The following TTC29 variants were observed in gnomAD, a reference collection of about 807,000 sequenced individuals.
TTC29 encodes the protein tetratricopeptide repeat domain 29, also known as tetratricopeptide repeat protein 29.
Under a neutral mutation model 58.1 loss-of-function variants are expected in TTC29, and 49 were observed. The observed-to-expected ratio is 0.84, with a 90% CI of 0.67 to 1.07. TTC29 has a LOEUF of 1.07. TTC29 is among the 50% of genes least tolerant of loss of function. The pLI is 0.00. For missense variants in TTC29, 582 were observed against 555.6 expected (o/e 1.05, Z -0.48); for synonymous variants, 209 against 196.8 (o/e 1.06, Z -0.52).
chr4:146,754,443 AC>A (rs139261390), intron 11 of TTC29, among the ~76,000 whole-genome samples: 3,025 of 152,272 alleles, frequency 0.02, 46 homozygotes, highest in Non-Finnish European at 0.031. Context: ...TTCCTTTAAT[AC>A]CTAAGCCAAA....
intron 11 of TTC29, among the ~76,000 whole-genome samples, chr4:146,752,456 A>C (rs1025238090): frequency 4.0e-5 from 6 of 151,564 alleles, no homozygotes; most frequent in South Asian, 2.1e-4. Context: ...GAATCAATAT[A>C]GTGAAAATGG....
chr4:146,742,608 TTCCTTCCCTC>T (rs1180329734), intron 11 of TTC29, among the ~76,000 whole-genome samples: 4 of 147,690 alleles, frequency 2.7e-5, no homozygotes, highest in African/African-American at 1.0e-4. Flanking sequence ...CTTCCCTCCC[TTCCTTCCCTC>T]CCTTCCTTCC....
intron 10 of TTC29, among the ~76,000 whole-genome samples, chr4:146,807,680 C>T (rs1750711753): frequency 6.6e-6 from 1 of 152,280 alleles, no homozygotes; most frequent in East Asian, 1.9e-4. Context: ...CCTCCCAAGA[C>T]TATACCAGGA....
At chr4:146,712,359 T>C (rs1742563134) in intron 11 of TTC29, among the ~76,000 whole-genome samples, 1 of 152,158 alleles carries the variant, frequency 6.6e-6, no homozygotes, top group African/African-American at 2.4e-5. Flanking sequence ...ATTTTGACGC[T>C]ATCTCAGTTG....
intron 4 of TTC29, among the ~76,000 whole-genome samples, chr4:146,934,852 A>T (rs1735649316): frequency 6.6e-6 from 1 of 152,154 alleles, no homozygotes; most frequent in South Asian, 2.1e-4. Context: ...AGATGTGATA[A>T]AAATAGGGGT....
chr4:146,771,736 C>T (rs1747744473), intron 11 of TTC29, among the ~76,000 whole-genome samples: 1 of 152,096 alleles, frequency 6.6e-6, no homozygotes, highest in Admixed American at 6.6e-5. Flanking sequence ...ATGCATGTGT[C>T]TTTACGTAGA....
intron 6 of TTC29, among the ~76,000 whole-genome samples, chr4:146,898,825 G>A (rs1579939948): frequency 6.6e-6 from 1 of 152,208 alleles, no homozygotes; most frequent in African/African-American, 2.4e-5. Context: ...AGAAGGGAAA[G>A]GACTAAAATA....
chr4:146,746,792 GAGTGATGTCAGTGAA>G (rs1745583085), intron 11 of TTC29, among the ~76,000 whole-genome samples: 1 of 152,160 alleles, frequency 6.6e-6, no homozygotes, highest in Admixed American at 6.5e-5. Context: ...GGTTCTGGGA[GAGTGATGTCAGTGAA>G]AGTGATGTCA....
chr4:146,886,372 C>T (rs1210400679), intron 6 of TTC29, among the ~76,000 whole-genome samples: 1 of 152,088 alleles, frequency 6.6e-6, no homozygotes, highest in Admixed American at 6.6e-5. Flanking sequence ...TCTGTTTCTC[C>T]TCAACTTTGC....
chr4:146,875,975 T>C (rs1335643507), intron 6 of TTC29, among the ~76,000 whole-genome samples: 1 of 152,206 alleles, frequency 6.6e-6, no homozygotes, highest in Non-Finnish European at 1.5e-5. Flanking sequence ...TCTTTTATGG[T>C]ATTGGAGTTA....
chr4:146,846,055 CATT>C (rs1729149089), intron 8 of TTC29, among the ~76,000 whole-genome samples: 2 of 151,974 alleles, frequency 1.3e-5, no homozygotes, highest in South Asian at 4.1e-4. Flanking sequence ...CCTGTAGAAA[CATT>C]AACATGGCTA....
intron 11 of TTC29, among the ~76,000 whole-genome samples, chr4:146,759,013 G>GAAATAAAA (rs1451133288): frequency 6.6e-6 from 1 of 151,782 alleles, no homozygotes; most frequent in Admixed American, 6.6e-5. Flanking sequence ...AAATGAAATT[G>GAAATAAAA]AAATAAAAAA....
chr4:146,881,548 T>C (rs975807433), intron 6 of TTC29, among the ~76,000 whole-genome samples: 1 of 152,138 alleles, frequency 6.6e-6, no homozygotes, highest in African/African-American at 2.4e-5. Flanking sequence ...AGAAGCAATA[T>C]TGAACAGTAG....
At chr4:146,726,589 G>T (rs1186801055) in intron 11 of TTC29, among the ~76,000 whole-genome samples, 1 of 152,008 alleles carries the variant, frequency 6.6e-6, no homozygotes, top group Non-Finnish European at 1.5e-5. Flanking sequence ...TCTTGCTCAA[G>T]GTTTTGTGAT....
intron 9 of TTC29, among the ~76,000 whole-genome samples, chr4:146,822,137 G>A (rs1173620273): frequency 2.0e-5 from 3 of 151,314 alleles, no homozygotes; most frequent in Non-Finnish European, 2.9e-5. Context: ...AAAAAAAAAG[G>A]GATACATGTG....
intron 11 of TTC29, among the ~76,000 whole-genome samples, chr4:146,797,832 T>TTATATATATATATATATATATATA (rs70958528): frequency 3.8e-4 from 50 of 130,022 alleles, no homozygotes; most frequent in African/African-American, 7.8e-4. Context: ...TTACTTTGTT[T>TTATATATATATATATATATATATA]TATATATATA....
At chr4:146,914,702 A>G (rs2150292997) in intron 4 of TTC29, among the ~76,000 whole-genome samples, 1 of 152,296 alleles carries the variant, frequency 6.6e-6, no homozygotes, top group East Asian at 1.9e-4. Flanking sequence ...AATGCATTTG[A>G]GAATGAAATT....
chr4:146,717,640 T>G (rs1743032200), intron 11 of TTC29, among the ~76,000 whole-genome samples: 1 of 152,112 alleles, frequency 6.6e-6, no homozygotes, highest in African/African-American at 2.4e-5. Flanking sequence ...TATATATATT[T>G]ATGGGGTACA....
intron 9 of TTC29, among the ~76,000 whole-genome samples, chr4:146,833,272 C>T (rs1048718358): frequency 2.0e-5 from 3 of 152,052 alleles, no homozygotes; most frequent in Admixed American, 2.0e-4. Context: ...GATATATCTT[C>T]CATGGAAAAA....
Sources: gnomAD v4.1 joint callset for allele counts (sites outside exome capture counted in the v4.1 genomes callset) on GRCh38, gnomAD v4.1.1 for gene constraint, MANE v1.5 for transcripts, NCBI Gene and HGNC (gene_info 2026-07-23, HGNC 2026-07-21) for gene names.